Variants in REDIC1 observed in about 807,000 individuals in gnomAD.
The protein encoded by REDIC1 is HEI10 Interacting Protein 1.
the REDIC1 span, among the ~76,000 whole-genome samples, chr12:39,838,480 T>G: frequency 7.2e-5 from 10 of 138,100 alleles, no homozygotes; most frequent in East Asian, 1.5e-3. Flanking sequence ...ACCCTAAAAC[T>G]TAAAGTATAA....
chr12:39,678,729 A>T, the REDIC1 span, among the ~76,000 whole-genome samples: 1 of 152,084 alleles, frequency 6.6e-6, no homozygotes, highest in East Asian at 1.9e-4. Flanking sequence ...ATCCAACAGC[A>T]TATCCAAAAG....
chr12:39,665,055 G>C, the REDIC1 span, among the ~76,000 whole-genome samples: 1 of 152,102 alleles, frequency 6.6e-6, no homozygotes, highest in Admixed American at 6.5e-5. Context: ...TTCTTTTGCT[G>C]TGCAGAAGCT....
the REDIC1 span, among the ~76,000 whole-genome samples, chr12:39,853,011 TGGA>T: frequency 2.0e-5 from 3 of 152,224 alleles, no homozygotes; most frequent in Admixed American, 1.3e-4. Context: ...TCCCATTCTG[TGGA>T]GTTTACTTTT....
the REDIC1 span, among the ~76,000 whole-genome samples, chr12:39,817,547 C>A: frequency 2.0e-5 from 3 of 152,088 alleles, no homozygotes; most frequent in Non-Finnish European, 4.4e-5. Context: ...TAGAGGCCAG[C>A]TGAGAAAGGC....
At chr12:39,706,698 T>G in the REDIC1 span, among the ~76,000 whole-genome samples, 64 of 151,832 alleles carry the variant, frequency 4.2e-4, no homozygotes, top group African/African-American at 1.5e-3. Flanking sequence ...CCAGAAACAA[T>G]TCCACACATT....
the REDIC1 span, among the ~76,000 whole-genome samples, chr12:39,778,014 G>A: frequency 1.3e-5 from 2 of 152,130 alleles, no homozygotes; most frequent in Non-Finnish European, 2.9e-5. Flanking sequence ...CGCCCACTGG[G>A]GCTTCAGCTG....
chr12:39,718,418 G>A, the REDIC1 span, among the ~76,000 whole-genome samples: 1 of 152,224 alleles, frequency 6.6e-6, no homozygotes, highest in South Asian at 2.1e-4. Context: ...ACTGACTCTA[G>A]GGGCAAAGCA....
the REDIC1 span, among the ~76,000 whole-genome samples, chr12:39,767,220 C>A: frequency 6.6e-6 from 1 of 151,946 alleles, no homozygotes; most frequent in South Asian, 2.1e-4. Context: ...GGTATGAAAA[C>A]AACATTCATC....
At chr12:39,806,548 G>A in the REDIC1 span, among the ~76,000 whole-genome samples, 2 of 152,274 alleles carry the variant, frequency 1.3e-5, no homozygotes, top group East Asian at 1.9e-4. Flanking sequence ...AAAAAGTCAT[G>A]TTCTCAGTTG....
the REDIC1 span, among the ~76,000 whole-genome samples, chr12:39,853,410 A>T: frequency 6.7e-6 from 1 of 149,968 alleles, no homozygotes; most frequent in Admixed American, 6.7e-5. Context: ...AACACTCTTT[A>T]AAAAAAAAAT....
chr12:39,777,973 T>C, the REDIC1 span, among the ~76,000 whole-genome samples: 147,258 of 150,428 alleles, frequency 0.98, 72,086 homozygotes, highest in East Asian at 1. Flanking sequence ...TACCTATGGA[T>C]GGCTAAACTA....
At chr12:39,887,184 TAA>T in the REDIC1 span, among the ~76,000 whole-genome samples, 10 of 152,240 alleles carry the variant, frequency 6.6e-5, no homozygotes, top group Non-Finnish European at 1.2e-4. Context: ...TCATTTTTGA[TAA>T]AGTCTTTTGT....
chr12:39,812,996 ATTTTTTTTTT>A, the REDIC1 span, among the ~76,000 whole-genome samples: 500 of 40,620 alleles, frequency 0.012, 12 homozygotes, highest in African/African-American at 0.041. Context: ...TGCCCAGCTA[ATTTTTTTTTT>A]TTTTTTTTTT....
chr12:39,748,787 A>G, the REDIC1 span, among the ~76,000 whole-genome samples: 1 of 152,344 alleles, frequency 6.6e-6, no homozygotes, highest in Admixed American at 6.5e-5. Context: ...ACTCAACTAC[A>G]TGGAAACTGA....
the REDIC1 span, chr12:39,758,438 C>T: frequency 6.6e-6 from 1 of 151,782 alleles, no homozygotes; most frequent in Admixed American, 6.6e-5. Flanking sequence ...AATACAGTAC[C>T]TTATTAGATG....
At chr12:39,711,514 T>TATAC in the REDIC1 span, among the ~76,000 whole-genome samples, 15 of 137,500 alleles carry the variant, frequency 1.1e-4, no homozygotes, top group African/African-American at 3.2e-4. Context: ...TATATGTGTA[T>TATAC]ATATGTGTAT....
chr12:39,650,109 T>C, the REDIC1 span: 1 of 1,006,560 alleles, frequency 9.9e-7, no homozygotes, highest in Non-Finnish European at 1.3e-6. This position sits in a 1 kb window ranked among gnomAD's most constrained non-coding sequence, Gnocchi z 4.3. Context: ...AAAATTACTT[T>C]ATTTTGGACT....
chr12:39,744,802 G>T, the REDIC1 span, among the ~76,000 whole-genome samples: 2 of 152,108 alleles, frequency 1.3e-5, no homozygotes, highest in African/African-American at 4.8e-5. Flanking sequence ...TTGGAACAAA[G>T]TACAAGGGAA....
chr12:39,858,427 C>G, the REDIC1 span, among the ~76,000 whole-genome samples: 4 of 151,846 alleles, frequency 2.6e-5, no homozygotes, highest in African/African-American at 7.3e-5. Flanking sequence ...GAAACAGATT[C>G]ATTTTATAGG....
Sources: allele counts gnomAD v4.1 joint callset (sites outside exome capture counted in the v4.1 genomes callset), GRCh38; gene constraint gnomAD v4.1.1; non-coding constraint Gnocchi (gnomAD v3.1); transcripts MANE v1.5; gene names NCBI Gene and HGNC (gene_info 2026-07-23, HGNC 2026-07-21).